The following ADGRA2 variants were observed in gnomAD, a reference collection of about 807,000 sequenced individuals.
ADGRA2 encodes the protein adhesion G protein-coupled receptor A2.
In ADGRA2, 61 loss-of-function variants were observed where a neutral mutation model predicts 98.7. That is an observed-to-expected ratio of 0.62 (90% CI 0.50 to 0.76). ADGRA2 has a LOEUF of 0.76. Among genes scored for constraint, ADGRA2 ranks in the 30% least tolerant of loss-of-function variants. ADGRA2 has a pLI of 0.00. For missense variants in ADGRA2, 1,712 were observed against 1,860.0 expected, an observed-to-expected ratio of 0.92 and a Z score of 1.46; for synonymous variants, 858 against 831.5, an observed-to-expected ratio of 1.03 and a Z score of -0.55.
chr8:37,823,186 C>T (rs1400580187), intron 2 of ADGRA2, among the ~76,000 whole-genome samples: 4 of 147,068 alleles, frequency 2.7e-5, no homozygotes, highest in African/African-American at 7.5e-5. Context: ...CCACCATGCC[C>T]AACCTTTTTT....
Position 37,837,842 on chromosome 8 carries a change from C to T in ADGRA2, c.2162C>T (p.Ala721Val). 1.3e-6 allele frequency: 2 copies of T among 1,524,028 alleles called. No individual in the cohort carries two copies. The highest frequency in any genetic ancestry group is 1.8e-6 in the Non-Finnish European group (2 of 1,134,064). 94.4% of individuals were successfully genotyped at this position (1,524,028 alleles called of 1,614,324 possible). Residue 721 changes from alanine to valine, a missense_variant, in exon 14 of 19, where the codon GCT (alanine) becomes GTT (valine). Ala to Val is a moderately conservative substitution (Grantham distance 64, BLOSUM62 0). Coordinates refer to ENST00000412232, the MANE Select transcript of ADGRA2 (RefSeq NM_032777.10). ...AWWSQEGPGE[A>V]GGWTSEGCQL... ...TGGAGCCAGGAGGGGCCCGGGGAGG[C>T]TGGGGGCTGGACCTCGGAGGGCTGC...
chr8:37,840,749 A>AT lies in ADGRA2; in HGVS notation c.2658-9dup. The AT allele has an allele frequency of 6.6e-7, 1 of 1,505,810 alleles. No homozygotes were observed. Among genetic ancestry groups the AT allele is most frequent in the Non-Finnish European group, 9.2e-7 (1 of 1,082,560 alleles). The allele number at this position is 1,505,810 out of a possible 1,614,324, so 93.3% of individuals were successfully genotyped here. On this transcript the variant is annotated splice_polypyrimidine_tract_variant and intron_variant, in intron 17 of 18. Transcript: ENST00000412232. ...CCATCTCTGGGACCCCCAATCCCTC[A>AT]TTCCCTCCAGGTTCTATTTGATCGC...
chr8:37,844,380 TCAAA>T lies in ADGRA2; in HGVS notation c.*2029_*2032del. 1 of 1,454,564 alleles carries T rather than the reference TCAAA, an allele frequency of 6.9e-7. No homozygotes were observed. The highest frequency in any genetic ancestry group is 1.3e-5 in the South Asian group (1 of 75,568). The allele number at this position is 1,454,564 out of a possible 1,614,324, so 90.1% of individuals were successfully genotyped here. Reference sequence around the variant, plus strand: ...AATGGCAGAGCCCCTCTTGGTTCCTTCAAACAAGAAAAGCAATACCTACGGACTG... The same window carrying T: ...AATGGCAGAGCCCCTCTTGGTTCCTTCAAGAAAAGCAATACCTACGGACTG... On this transcript the variant is annotated 3_prime_UTR_variant, in exon 19 of 19. Coordinates refer to ENST00000412232, the MANE Select transcript of ADGRA2 (RefSeq NM_032777.10).
chr8:37,842,271 C>T lies in ADGRA2; in HGVS notation c.3933C>T (p.Tyr1311=). The T allele has an allele frequency of 6.4e-7, 1 of 1,573,304 alleles. No homozygotes were observed. Among genetic ancestry groups the T allele is most frequent in the East Asian group, 2.3e-5 (1 of 42,604 alleles). Residue 1311 remains tyrosine, a synonymous_variant, in exon 19 of 19, where the codon TAC becomes TAT. Coordinates refer to ENST00000412232, the MANE Select transcript of ADGRA2 (RefSeq NM_032777.10). ...ACGGCGCCCCCAAGGGGGGCAAGTA[C>T]GACGACGTCACCCTGATGGGCGCGG... The part of the protein sequence containing the change: ...SLNGAPKGGK[Y]DDVTLMGAEV...
intron 2 of ADGRA2, among the ~76,000 whole-genome samples, chr8:37,816,596 ACACACAC>A (rs1804988968): frequency 1.3e-5 from 1 of 78,344 alleles, no homozygotes; most frequent in African/African-American, 4.9e-5. Context: ...CGTCTCAAAC[ACACACAC>A]ACACACACAC....
At chr8:37,826,637 GCA>G (rs1328481033) in intron 2 of ADGRA2, among the ~76,000 whole-genome samples, 1 of 152,164 alleles carries the variant, frequency 6.6e-6, no homozygotes, top group Non-Finnish European at 1.5e-5. Flanking sequence ...GAAGGGCTGT[GCA>G]CAGTGTTTCT....
rs1804375659 is a variant in ADGRA2 at position 37,797,694 on chromosome 8, A to G, written c.266+160A>G. On this transcript the variant is annotated intron_variant, in intron 1 of 18. Coordinates refer to ENST00000412232, the MANE Select transcript of ADGRA2 (RefSeq NM_032777.10). The surrounding 1 kb of genome is among the most constrained non-coding windows in gnomAD (Gnocchi z 5.3). Reference sequence around the variant, plus strand: ...CCCCAGAGGGGAAGATTGGAGGAGCAGGGGAGAGACTGGGGCTCCAGGAGC... The same window carrying G: ...CCCCAGAGGGGAAGATTGGAGGAGCGGGGGAGAGACTGGGGCTCCAGGAGC... Among the ~76,000 whole-genome samples the G allele has an allele frequency of 6.6e-6, 1 of 152,122 alleles. No homozygotes were observed. The highest frequency in any genetic ancestry group is 2.4e-5 in the African/African-American group (1 of 41,444).
chr8:37,844,215 TTCCCA>T lies in ADGRA2; in HGVS notation c.*1864_*1868del, dbSNP rs2130083536. On this transcript the variant is annotated 3_prime_UTR_variant, in exon 19 of 19. Coordinates refer to ENST00000412232, the MANE Select transcript of ADGRA2 (RefSeq NM_032777.10). Reference sequence around the variant, plus strand: ...AACCAGCAGCAAAGAGCCTGACATTTTCCCATCCATCTATGAGGAAAGCCATCTCA... The same window carrying T: ...AACCAGCAGCAAAGAGCCTGACATTTTCCATCTATGAGGAAAGCCATCTCA... 2.3e-6 allele frequency: 1 copy of T among 443,172 alleles called. No homozygotes were observed. The highest frequency in any genetic ancestry group is 3.7e-5 in the East Asian group (1 of 27,044). The allele number at this position is 443,172 out of a possible 1,614,324, so 27.5% of individuals were successfully genotyped here.
At chr8:37,818,902 G>A (rs1276599750) in intron 2 of ADGRA2, among the ~76,000 whole-genome samples, 1 of 152,186 alleles carries the variant, frequency 6.6e-6, no homozygotes, top group Non-Finnish European at 1.5e-5. Flanking sequence ...GAAGGGACGA[G>A]GAAGGAAGCC....
Position 37,842,361 on chromosome 8 carries a change from G to A in ADGRA2, c.*6G>A. The A allele has an allele frequency of 1.4e-6, 2 of 1,462,768 alleles. No homozygotes were observed. Among genetic ancestry groups the A allele is most frequent in the Non-Finnish European group, 1.8e-6 (2 of 1,109,904 alleles). The allele number at this position is 1,462,768 out of a possible 1,614,324, so 90.6% of individuals were successfully genotyped here. ...AGAGCGAAACTACCGTCTAAGGTGGGGCGGGCGACGCGGTAGACGGGCTGG... is the reference window on the plus strand; with the variant it reads ...AGAGCGAAACTACCGTCTAAGGTGGAGCGGGCGACGCGGTAGACGGGCTGG... On this transcript the variant is annotated 3_prime_UTR_variant, in exon 19 of 19. Coordinates refer to ENST00000412232, the MANE Select transcript of ADGRA2 (RefSeq NM_032777.10).
At chr8:37,812,933 C>T (rs1804879762) in intron 1 of ADGRA2, among the ~76,000 whole-genome samples, 1 of 152,062 alleles carries the variant, frequency 6.6e-6, no homozygotes. Flanking sequence ...AAGTGATCTG[C>T]CCGTCCCAGC....
Position 37,837,890 on chromosome 8 carries a change from A to G in ADGRA2, c.2210A>G (p.Asn737Ser), listed in dbSNP as rs1279819569. 4 of 1,488,626 alleles carry G rather than the reference A, an allele frequency of 2.7e-6. No homozygotes were observed. The highest frequency in any genetic ancestry group is 2.4e-5 in the Admixed American group (1 of 41,642). 92.2% of individuals were successfully genotyped at this position (1,488,626 alleles called of 1,614,324 possible). A position where few individuals can be genotyped will look rare whatever the true frequency, so the allele number is the denominator to read the frequency against. The change falls in exon 14 of 19, where the codon AAT becomes AGT. Residue 737 changes from asparagine to serine, a missense_variant. By Grantham distance (46) the Asn-to-Ser change is conservative (BLOSUM62 1). Transcript: ENST00000412232. ...TGCCAGCTCCGCTCCAGCCAGCCCA[A>G]TGTCAGCGCCCTGCACTGCCAGCAC... ...EGCQLRSSQPNVSALHCQHLG... is the reference protein window; with the variant it reads ...EGCQLRSSQPSVSALHCQHLG...
rs1455376700 is a variant in ADGRA2 at position 37,829,965 on chromosome 8, C to T, written c.669C>T (p.Ala223=). The change falls in exon 6 of 19, where the codon GCC becomes GCT. Residue 223 remains alanine, a synonymous_variant. Coordinates refer to ENST00000412232, the MANE Select transcript of ADGRA2 (RefSeq NM_032777.10). ...SEHTLCAYPS[A]LHAQALGSLQ... is the part of the protein sequence containing the mutation. Reference sequence around the variant, plus strand: ...ACACGCTCTGTGCTTACCCCAGTGCCCTGCATGCTCAGGCCCTGGGCAGCC... The same window carrying T: ...ACACGCTCTGTGCTTACCCCAGTGCTCTGCATGCTCAGGCCCTGGGCAGCC... The T allele has an allele frequency of 3.7e-6, 6 of 1,606,810 alleles. No individual in the cohort carries two copies. Among genetic ancestry groups the T allele is most frequent in the Admixed American group, 1.7e-5 (1 of 59,768 alleles).
intron 14 of ADGRA2, among the ~76,000 whole-genome samples, chr8:37,838,165 A>G (rs980891501): frequency 2.0e-5 from 3 of 151,838 alleles, no homozygotes; most frequent in Non-Finnish European, 4.4e-5. Flanking sequence ...CTATATCCAG[A>G]TAGTTGGATC....
intron 1 of ADGRA2, among the ~76,000 whole-genome samples, chr8:37,813,749 C>G (rs963643199): frequency 1.3e-5 from 2 of 152,246 alleles, no homozygotes; most frequent in Non-Finnish European, 2.9e-5. Flanking sequence ...ATCCTGGCCA[C>G]TGTCTTCTCC....
rs1805827468 is a variant in ADGRA2 at position 37,842,251 on chromosome 8, G to A, written c.3913G>A (p.Ala1305Thr). The A allele has an allele frequency of 1.9e-6, 3 of 1,558,222 alleles. No individual in the cohort carries two copies. The highest frequency in any genetic ancestry group is 1.9e-5 in the Admixed American group (1 of 51,428). Residue 1305 changes from alanine to threonine, a missense_variant, in exon 19 of 19, where the codon GCC becomes ACC. By Grantham distance (58) the Ala-to-Thr change is moderately conservative. Coordinates refer to ENST00000412232, the MANE Select transcript of ADGRA2 (RefSeq NM_032777.10). ...YPLNAASLNG[A>T]PKGGKYDDVT... is the part of the protein sequence containing the mutation. ...GCTCAACGCCGCCAGCCTAAACGGC[G>A]CCCCCAAGGGGGGCAAGTACGACGA...
chr8:37,799,842 A>T (rs1804446990), intron 1 of ADGRA2, among the ~76,000 whole-genome samples: 1 of 152,152 alleles, frequency 6.6e-6, no homozygotes, highest in Non-Finnish European at 1.5e-5. Flanking sequence ...TTCAGCCTGG[A>T]GGGTAATGGA....
At chr8:37,811,562 C>T (rs1249536725) in intron 1 of ADGRA2, among the ~76,000 whole-genome samples, 3 of 149,290 alleles carry the variant, frequency 2.0e-5, no homozygotes, top group African/African-American at 7.4e-5. Flanking sequence ...CTGGAACCTC[C>T]GCCTCCCAGG....
Position 37,833,624 on chromosome 8 carries a change from C to T in ADGRA2, c.1297-64C>T, listed in dbSNP as rs1554525941. On this transcript the variant is annotated intron_variant, in intron 9 of 18. Coordinates refer to ENST00000412232, the MANE Select transcript of ADGRA2 (RefSeq NM_032777.10). ...AGCACTGGCACAGAGCAGAGGGTCC[C>T]CAGGGGCAGTTCGGGGGCAGAAGGA... 3.8e-6 allele frequency: 6 copies of T among 1,559,804 alleles called. No homozygotes were observed. The South Asian group carries it at 4.6e-5, about 12-fold the overall frequency.
Sources: allele counts gnomAD v4.1 joint callset (sites outside exome capture counted in the v4.1 genomes callset), GRCh38; gene constraint gnomAD v4.1.1; non-coding constraint Gnocchi (gnomAD v3.1); transcripts MANE v1.5; gene names NCBI Gene and HGNC (gene_info 2026-07-23, HGNC 2026-07-21).